Variants in GAREM1 observed in about 807,000 individuals in gnomAD.
The protein encoded by GAREM1 is GRB2-associated and regulator of MAPK protein 1.
In GAREM1, 26 loss-of-function variants were observed where a neutral mutation model predicts 71.3. The ratio of observed to expected loss-of-function variants is 0.36; its 90% CI spans 0.27 to 0.51. The LOEUF (loss-of-function observed/expected upper bound fraction) is 0.51. Among genes scored for constraint, GAREM1 ranks in the 20% least tolerant of loss-of-function variants. GAREM1 has a pLI of 0.95. For missense variants in GAREM1, 1,026 were observed against 1,103.1 expected, an observed-to-expected ratio of 0.93 and a Z score of 0.99; for synonymous variants, 440 against 433.2, an observed-to-expected ratio of 1.02 and a Z score of -0.20.
chr18:32,401,750 ATGT>A (rs1361154170), intron 1 of GAREM1, among the ~76,000 whole-genome samples: 1 of 152,204 alleles, frequency 6.6e-6, no homozygotes, highest in Non-Finnish European at 1.5e-5. Flanking sequence ...GGGGAAAAAA[ATGT>A]TGTTTTCCGC....
intron 3 of GAREM1, among the ~76,000 whole-genome samples, chr18:32,288,634 A>G (rs1425768912): frequency 2.6e-5 from 4 of 151,984 alleles, no homozygotes; most frequent in Non-Finnish European, 5.9e-5. Flanking sequence ...GTATTTCTCA[A>G]TTTTTTAAAA....
intron 2 of GAREM1, among the ~76,000 whole-genome samples, chr18:32,332,889 A>T (rs1339363325): frequency 1.3e-5 from 2 of 152,142 alleles, no homozygotes; most frequent in East Asian, 1.9e-4. Context: ...TGACAGAGAG[A>T]GAGTATCAGT....
chr18:32,285,772 C>G (rs1045322940), intron 4 of GAREM1, among the ~76,000 whole-genome samples: 3 of 152,182 alleles, frequency 2.0e-5, no homozygotes, highest in Admixed American at 2.0e-4. Flanking sequence ...AAAACTGAGA[C>G]GTACGAGGGG....
At chr18:32,295,308 C>T (rs1295052227) in intron 3 of GAREM1, among the ~76,000 whole-genome samples, 1 of 152,102 alleles carries the variant, frequency 6.6e-6, no homozygotes, top group Non-Finnish European at 1.5e-5. Context: ...ATTCTACATG[C>T]TTGAAATAAT....
intron 2 of GAREM1, among the ~76,000 whole-genome samples, chr18:32,391,569 A>G (rs1333002158): frequency 6.6e-6 from 1 of 152,174 alleles, no homozygotes; most frequent in Non-Finnish European, 1.5e-5. Context: ...AGTTTTCCAC[A>G]AAGACAGAAA....
At chr18:32,333,760 C>T (rs981587420) in intron 2 of GAREM1, among the ~76,000 whole-genome samples, 4 of 152,180 alleles carry the variant, frequency 2.6e-5, no homozygotes, top group African/African-American at 4.8e-5. Flanking sequence ...CTGACAATGA[C>T]GCTCAACCTG....
chr18:32,470,063 T>A lies in GAREM1; in HGVS notation c.121+245A>T, dbSNP rs550146798. On this transcript the variant is annotated intron_variant, in intron 1 of 5. Coordinates refer to ENST00000269209, the MANE Select transcript of GAREM1 (RefSeq NM_001242409.2). The surrounding 1 kb of genome is among the most constrained non-coding windows in gnomAD (Gnocchi z 4.4). ...ACGATCTGCAGAGGTCTCCCTATGT[T>A]GACTTTTTTTTTAGGGCGTCCTTTT... Among the ~76,000 whole-genome samples, 1 of 149,300 alleles carries A rather than the reference T, an allele frequency of 6.7e-6. No individual in the cohort carries two copies. Among genetic ancestry groups the A allele is most frequent in the Non-Finnish European group, 1.5e-5 (1 of 67,110 alleles).
intron 1 of GAREM1, among the ~76,000 whole-genome samples, chr18:32,447,821 C>T (rs753841423): frequency 3.3e-5 from 5 of 152,094 alleles, no homozygotes; most frequent in Non-Finnish European, 7.4e-5. Flanking sequence ...TTTCTCAAGT[C>T]ATATTAATTA....
intron 4 of GAREM1, among the ~76,000 whole-genome samples, chr18:32,277,166 C>T (rs1386010962): frequency 5.3e-5 from 8 of 151,950 alleles, no homozygotes; most frequent in South Asian, 2.1e-4. Context: ...GAGTGGTGTT[C>T]GTGAGGGCAG....
intron 1 of GAREM1, among the ~76,000 whole-genome samples, chr18:32,457,420 A>G (rs915502782): frequency 6.6e-6 from 1 of 151,942 alleles, no homozygotes; most frequent in Non-Finnish European, 1.5e-5. Context: ...TAGTTCATAC[A>G]TTTCCTCCCT....
chr18:32,317,816 T>A (rs941011532), intron 2 of GAREM1, among the ~76,000 whole-genome samples: 1 of 152,210 alleles, frequency 6.6e-6, no homozygotes, highest in South Asian at 2.1e-4. Flanking sequence ...TCGGAACTTG[T>A]TGGAGTCAAA....
At position 32,312,501 on chromosome 18, in the gene GAREM1, G is replaced by A. The variant is rs550494312; in HGVS notation, c.263-2178C>T. On this transcript the variant is annotated intron_variant, in intron 2 of 5. Transcript: ENST00000269209. ...CTTCAACAAGGGCAGCAGAAGAGCTGGGCTAAAAGCTTGGCAGAACTGGAT... is the reference window on the plus strand; with the variant it reads ...CTTCAACAAGGGCAGCAGAAGAGCTAGGCTAAAAGCTTGGCAGAACTGGAT... Among the ~76,000 whole-genome samples the A allele has an allele frequency of 2.0e-5, 3 of 152,246 alleles. No individual in the cohort carries two copies. The South Asian group carries it at 6.2e-4, about 32-fold the overall frequency.
intron 4 of GAREM1, among the ~76,000 whole-genome samples, chr18:32,283,204 G>A (rs1037760022): frequency 1.3e-5 from 2 of 152,184 alleles, no homozygotes; most frequent in South Asian, 2.1e-4. Flanking sequence ...GGAAGAGAAC[G>A]GCCTCTCATA....
intron 2 of GAREM1, among the ~76,000 whole-genome samples, chr18:32,313,144 A>G (rs1427099852): frequency 6.6e-6 from 1 of 152,216 alleles, no homozygotes; most frequent in South Asian, 2.1e-4. Flanking sequence ...AGATTCAGCC[A>G]GAGCCGAGAC....
chr18:32,442,443 C>G (rs560144957), intron 1 of GAREM1, among the ~76,000 whole-genome samples: 1 of 152,204 alleles, frequency 6.6e-6, no homozygotes, highest in East Asian at 1.9e-4. Context: ...GATCTTAACA[C>G]TTTTAAATTT....
intron 1 of GAREM1, among the ~76,000 whole-genome samples, chr18:32,427,959 ATATGAC>A (rs2048590308): frequency 6.6e-6 from 1 of 152,226 alleles, no homozygotes; most frequent in African/African-American, 2.4e-5. Flanking sequence ...GCATGAAAAA[ATATGAC>A]TATATATGGA....
chr18:32,463,785 G>A (rs1379685390), intron 1 of GAREM1, among the ~76,000 whole-genome samples: 1 of 151,678 alleles, frequency 6.6e-6, no homozygotes, highest in Non-Finnish European at 1.5e-5. Flanking sequence ...TAGCCTGGAT[G>A]ATCTTGATCT....
At chr18:32,428,341 T>C (rs548410974) in intron 1 of GAREM1, among the ~76,000 whole-genome samples, 1 of 152,322 alleles carries the variant, frequency 6.6e-6, no homozygotes, top group South Asian at 2.1e-4. Flanking sequence ...CTTGCCCCAG[T>C]CTCACATTGA....
chr18:32,282,841 T>C (rs1019282116), intron 4 of GAREM1, among the ~76,000 whole-genome samples: 1 of 152,222 alleles, frequency 6.6e-6, no homozygotes, highest in Admixed American at 6.5e-5. Context: ...TGGCATTTTC[T>C]AAAGAGGGGG....
Sources: gnomAD v4.1 joint callset for allele counts (sites outside exome capture counted in the v4.1 genomes callset) on GRCh38, gnomAD v4.1.1 for gene constraint, Gnocchi (gnomAD v3.1) non-coding constraint, MANE v1.5 for transcripts, NCBI Gene and HGNC (gene_info 2026-07-23, HGNC 2026-07-21) for gene names.